MTCL1: variants seen among roughly 807,000 people sequenced by gnomAD.
MTCL1 encodes the protein microtubule crosslinking factor 1.
Under a neutral mutation model 141.4 loss-of-function variants are expected in MTCL1, and 79 were observed. The ratio of observed to expected loss-of-function variants is 0.56; its 90% CI spans 0.47 to 0.67. The LOEUF is 0.67. Among genes scored for constraint, MTCL1 ranks in the 30% least tolerant of loss-of-function variants. The pLI, the probability that MTCL1 is intolerant of heterozygous loss-of-function variation, is 0.00. For synonymous variants in MTCL1, 914 were observed against 875.8 expected, an observed-to-expected ratio of 1.04 and a Z score of -0.77; for missense variants, 2,177 against 2,113.9, an observed-to-expected ratio of 1.03 and a Z score of -0.59.
chr18:8,789,923 T>G (rs2075660877), intron 7 of MTCL1, among the ~76,000 whole-genome samples: 1 of 152,252 alleles, frequency 6.6e-6, no homozygotes, highest in African/African-American at 2.4e-5. Context: ...TGTTGTTTTT[T>G]GTAACATTGG....
At chr18:8,716,089 A>G (rs1460083319), upstream of MTCL1, among the ~76,000 whole-genome samples, 1 of 152,250 alleles carries the variant, frequency 6.6e-6, no homozygotes, top group East Asian at 1.9e-4. Context: ...TTACGAGTTC[A>G]CAACATTTTC....
chr18:8,768,936 TGTGCATCAGC>T (rs2096472709), intron 4 of MTCL1, among the ~76,000 whole-genome samples: 2 of 151,970 alleles, frequency 1.3e-5, no homozygotes, highest in African/African-American at 2.4e-5. Flanking sequence ...GGATTACAGG[TGTGCATCAGC>T]ACGTGGGCCC....
chr18:8,753,896 C>G (rs1490629302), intron 4 of MTCL1, among the ~76,000 whole-genome samples: 1 of 152,096 alleles, frequency 6.6e-6, no homozygotes, highest in Non-Finnish European at 1.5e-5. Context: ...AGGTAAAAAT[C>G]TGAGAGGACT....
chr18:8,806,777 G>T, intron 10 of MTCL1, 116 bp from the exon 10 acceptor site: 30 of 971,708 alleles, frequency 3.1e-5, no homozygotes, highest in Middle Eastern at 2.7e-4. Flanking sequence ...TGCACCCACT[G>T]CCAACAACAC....
At chr18:8,805,254 C>A (rs1392009924) in intron 10 of MTCL1, among the ~76,000 whole-genome samples, 1 of 151,976 alleles carries the variant, frequency 6.6e-6, no homozygotes, top group Non-Finnish European at 1.5e-5. Flanking sequence ...CAACCCTTGC[C>A]CCTCTCCTCG....
At chr18:8,724,784 A>C (rs1349345915) in intron 4 of MTCL1, among the ~76,000 whole-genome samples, 1 of 152,106 alleles carries the variant, frequency 6.6e-6, no homozygotes, top group African/African-American at 2.4e-5. Flanking sequence ...TTTTTGAACT[A>C]CTAGAGGTGT....
chr18:8,765,354 G>A (rs1423264156), intron 4 of MTCL1, among the ~76,000 whole-genome samples: 1 of 152,226 alleles, frequency 6.6e-6, no homozygotes, highest in Non-Finnish European at 1.5e-5. Flanking sequence ...AGAAATGACT[G>A]GCTGAACAGA....
Position 8,784,257 on chromosome 18 carries a change from C to T in MTCL1, c.1145C>T (p.Pro382Leu), listed in dbSNP as rs2096542740. ...CACCTGGGGCTGCGTGCCCCCAGTC[C>T]CCGGGACAGCGATGCCGAGAGTGAT... The change falls in exon 6 of 17, where the codon CCC becomes CTC. Residue 382 changes from proline to leucine, a missense_variant. Pro to Leu is a moderately conservative substitution (Grantham distance 98). Coordinates refer to ENST00000359865, the Ensembl canonical transcript of MTCL1. 4 of 1,603,958 alleles carry T rather than the reference C, an allele frequency of 2.5e-6. No homozygotes were observed. In the South Asian group the frequency reaches 3.3e-5, roughly 13 times the overall value.
intron 11 of MTCL1, among the ~76,000 whole-genome samples, chr18:8,807,572 C>G (rs1218360927): frequency 6.6e-6 from 1 of 152,204 alleles, no homozygotes; most frequent in African/African-American, 2.4e-5. Context: ...GAAGAAACAG[C>G]TCAGCTCAGA....
chr18:8,800,324 A>G (rs1038262873), intron 10 of MTCL1: 5 of 152,400 alleles, frequency 3.3e-5, no homozygotes, highest in African/African-American at 9.6e-5. Context: ...CCGTTTTCCC[A>G]AGGACAAGTT....
At chr18:8,818,815 T>G in intron 12 of MTCL1, 148 bp from the exon 12 acceptor site, 1 of 869,956 alleles carries the variant, frequency 1.1e-6, no homozygotes, top group Non-Finnish European at 1.8e-6. Flanking sequence ...ATTTTGAAAT[T>G]AAGATCAGAA....
intron 4 of MTCL1, among the ~76,000 whole-genome samples, chr18:8,769,550 A>C (rs2096476063): frequency 6.6e-6 from 1 of 152,236 alleles, no homozygotes; most frequent in African/African-American, 2.4e-5. Flanking sequence ...TGAGCCAACC[A>C]GCTCATATTG....
At chr18:8,791,263 A>G (rs1416392740) in intron 7 of MTCL1, among the ~76,000 whole-genome samples, 1 of 152,148 alleles carries the variant, frequency 6.6e-6, no homozygotes, top group Non-Finnish European at 1.5e-5. Context: ...TTTCCCCAGC[A>G]TGAGCCTCTG....
chr18:8,755,018 G>A (rs2096389840), intron 4 of MTCL1, among the ~76,000 whole-genome samples: 1 of 152,164 alleles, frequency 6.6e-6, no homozygotes, highest in Admixed American at 6.5e-5. Context: ...TAATATCTGG[G>A]AGTGCTTCGG....
At chr18:8,709,657 C>G (rs503087) in intron 1 of MTCL1, among the ~76,000 whole-genome samples, 72,951 of 151,868 alleles carry the variant, frequency 0.48, 18,536 homozygotes, top group East Asian at 0.69. Context: ...TATTCTGGAG[C>G]ATTCCAAGTA....
At position 8,828,831 on chromosome 18, in the gene MTCL1, C is replaced by A; in HGVS notation, c.4723-77C>A. On this transcript the variant is annotated intron_variant, in intron 15 of 16. Coordinates refer to ENST00000359865, the Ensembl canonical transcript of MTCL1. The surrounding 1 kb of genome is among the most constrained non-coding windows in gnomAD (Gnocchi z 5.2). ...TACCTCCGGGCTTGCTGACTTTAAA[C>A]CTTTATTGTTCTCCTGTTTAAAAAA... 6.2e-7 allele frequency: 1 copy of A among 1,609,578 alleles called. No homozygotes were observed. The highest frequency in any genetic ancestry group is 1.1e-5 in the South Asian group (1 of 90,570).
At chr18:8,776,126 G>C (rs2096507202) in intron 4 of MTCL1, among the ~76,000 whole-genome samples, 1 of 152,218 alleles carries the variant, frequency 6.6e-6, no homozygotes, top group South Asian at 2.1e-4. Flanking sequence ...GAGAGTCAGG[G>C]CTCTGAGCAG....
chr18:8,818,412 C>G (rs1332953435), intron 12 of MTCL1, among the ~76,000 whole-genome samples: 1 of 151,972 alleles, frequency 6.6e-6, no homozygotes, highest in Non-Finnish European at 1.5e-5. Flanking sequence ...TGTATCCTCT[C>G]AAATAAAGTG....
At chr18:8,725,448 A>C (rs2096202144) in intron 4 of MTCL1, among the ~76,000 whole-genome samples, 1 of 152,220 alleles carries the variant, frequency 6.6e-6, no homozygotes, top group Admixed American at 6.5e-5. Flanking sequence ...ATTGTAACCC[A>C]CAGCAAAAAG....
Sources: gnomAD v4.1 joint callset for allele counts (sites outside exome capture counted in the v4.1 genomes callset) on GRCh38, gnomAD v4.1.1 for gene constraint, Gnocchi (gnomAD v3.1) non-coding constraint, MANE v1.5 for transcripts, NCBI Gene and HGNC (gene_info 2026-07-23, HGNC 2026-07-21) for gene names.